The following PARM1 variants were observed in gnomAD, a reference collection of about 807,000 sequenced individuals.
PARM1 encodes WSC4, cell wall integrity and stress response component 4 homolog.
PARM1 carries 14 observed loss-of-function variants against 24.6 expected under a neutral mutation model. That is an observed-to-expected ratio of 0.57 (90% CI 0.38 to 0.89). PARM1 has a LOEUF of 0.89. Among genes scored for constraint, PARM1 ranks in the 40% least tolerant of loss-of-function variants. The probability of loss-of-function intolerance (pLI) is 0.00; values close to 1 mark genes in which losing one functional copy is unlikely to be tolerated. For missense variants in PARM1, 362 were observed against 380.4 expected (o/e 0.95, Z 0.40); for synonymous variants, 179 against 156.6 (o/e 1.14, Z -1.07).
intron 1 of PARM1, among the ~76,000 whole-genome samples, chr4:74,995,700 A>G (rs1208736314): frequency 6.6e-6 from 1 of 152,102 alleles, no homozygotes; most frequent in Non-Finnish European, 1.5e-5. Context: ...GAGTGCATTC[A>G]CTTTTCTCCA....
At chr4:74,949,312 T>C (rs1039161533) in intron 1 of PARM1, among the ~76,000 whole-genome samples, 3 of 152,172 alleles carry the variant, frequency 2.0e-5, no homozygotes, top group African/African-American at 7.2e-5. Context: ...GTTATATCTC[T>C]GTATAGGTCA....
intron 1 of PARM1, among the ~76,000 whole-genome samples, chr4:74,974,991 T>G (rs1173608091): frequency 1.3e-5 from 2 of 152,028 alleles, no homozygotes; most frequent in African/African-American, 4.8e-5. Flanking sequence ...GGCAAAAAAT[T>G]TTTTGTTGTT....
intron 2 of PARM1, among the ~76,000 whole-genome samples, chr4:75,032,090 G>A (rs1723286575): frequency 6.6e-6 from 1 of 152,148 alleles, no homozygotes; most frequent in Admixed American, 6.6e-5. Context: ...CTTTACAATA[G>A]TAAAAAGGGA....
At chr4:74,953,948 C>T (rs1721581179) in intron 1 of PARM1, among the ~76,000 whole-genome samples, 1 of 152,198 alleles carries the variant, frequency 6.6e-6, no homozygotes, top group Non-Finnish European at 1.5e-5. Flanking sequence ...TTGGAGGCTA[C>T]AGACTCTACC....
At chr4:74,995,970 C>A (rs1008846642) in intron 1 of PARM1, among the ~76,000 whole-genome samples, 4 of 152,108 alleles carry the variant, frequency 2.6e-5, no homozygotes, top group African/African-American at 9.7e-5. Context: ...CTCCATTTTG[C>A]ATCCTAAGTC....
At chr4:74,950,264 C>T (rs1245763774) in intron 1 of PARM1, among the ~76,000 whole-genome samples, 1 of 152,238 alleles carries the variant, frequency 6.6e-6, no homozygotes, top group East Asian at 1.9e-4. Flanking sequence ...CTTCTGGAAA[C>T]TGGAAGCCTG....
At chr4:75,004,484 T>C (rs1722735927) in intron 1 of PARM1, among the ~76,000 whole-genome samples, 1 of 151,914 alleles carries the variant, frequency 6.6e-6, no homozygotes, top group Admixed American at 6.6e-5. Flanking sequence ...GGCAAGAGGG[T>C]AGACATGGAG....
intron 1 of PARM1, among the ~76,000 whole-genome samples, chr4:74,960,094 AGGAG>A (rs1721735240): frequency 6.6e-6 from 1 of 152,246 alleles, no homozygotes; most frequent in Non-Finnish European, 1.5e-5. Flanking sequence ...GGCAGTTTGT[AGGAG>A]CCAGGGTGAG....
chr4:75,029,173 G>A (rs1297572735), intron 2 of PARM1, among the ~76,000 whole-genome samples: 2 of 152,172 alleles, frequency 1.3e-5, no homozygotes, highest in Non-Finnish European at 2.9e-5. Context: ...GACTGCCTCA[G>A]GGTATAGAAC....
At chr4:75,001,551 A>G (rs530340876) in intron 1 of PARM1, among the ~76,000 whole-genome samples, 1 of 152,340 alleles carries the variant, frequency 6.6e-6, no homozygotes, top group South Asian at 2.1e-4. Flanking sequence ...GCGGTAGCAC[A>G]GGTATACACA....
rs1578065080 is a variant in PARM1 at position 75,048,000 on chromosome 4, G to A, written c.*1753G>A. 1 of 152,098 alleles carries A rather than the reference G, an allele frequency of 6.6e-6. No homozygotes were observed. Among genetic ancestry groups the A allele is most frequent in the East Asian group, 1.9e-4 (1 of 5,192 alleles). The allele number at this position is 152,098 out of a possible 1,614,324, so 9.4% of individuals were successfully genotyped here. A position where few individuals can be genotyped will look rare whatever the true frequency, so the allele number is the denominator to read the frequency against. On this transcript the variant is annotated 3_prime_UTR_variant, in exon 4 of 4. Transcript: ENST00000307428. ...ATTGGGTCCGACTTCAAAATGTGTT[G>A]TATTGTCCTACAGTGTCATAAAGAA...
intron 1 of PARM1, among the ~76,000 whole-genome samples, chr4:74,975,593 CAT>C (rs1722127907): frequency 6.6e-6 from 1 of 152,156 alleles, no homozygotes; most frequent in Non-Finnish European, 1.5e-5. Flanking sequence ...ATTTTATAAA[CAT>C]GTAGTCACGT....
chr4:75,015,476 G>T (rs1446208838), intron 2 of PARM1, among the ~76,000 whole-genome samples: 1 of 152,176 alleles, frequency 6.6e-6, no homozygotes, highest in Non-Finnish European at 1.5e-5. Flanking sequence ...AGACCAAAGA[G>T]TATGTATCCT....
intron 2 of PARM1, among the ~76,000 whole-genome samples, chr4:75,016,912 A>G (rs1005583272): frequency 6.6e-6 from 1 of 152,226 alleles, no homozygotes; most frequent in East Asian, 1.9e-4. Flanking sequence ...GCTGTCAGCC[A>G]ATTCATCATC....
rs547965266 is a variant in PARM1, at chr4:74,949,918, T to C, written c.43+16548T>C. 4.6e-5 allele frequency among the ~76,000 whole-genome samples: 7 copies of C among 152,188 alleles called. No individual in the cohort carries two copies. The South Asian group carries it at 1.5e-3, about 32-fold the overall frequency. ...AAGGAGTTTTGTTTTGCTCTTTTGG[T>C]TTTTATGTCACCAAAAAGATACTTT... On this transcript the variant is annotated intron_variant, in intron 1 of 3. Transcript: ENST00000307428.
chr4:74,936,352 C>G (rs1721183139), intron 1 of PARM1, among the ~76,000 whole-genome samples: 1 of 152,182 alleles, frequency 6.6e-6, no homozygotes, highest in African/African-American at 2.4e-5. Context: ...ATGGCAGGCC[C>G]CTGGTAGCTT....
In PARM1 at chr4:75,022,471, T is replaced by C. The variant is rs181800567; in HGVS notation, c.769+9321T>C. Among the ~76,000 whole-genome samples the C allele has an allele frequency of 1.1e-3, 171 of 152,342 alleles. 1 individual carries two copies. The highest frequency in any genetic ancestry group is 3.9e-3 in the African/African-American group (163 of 41,568). The stretch of plus-strand genomic sequence containing the variant: ...CATGTCAAGGTAATAAAATCAGCTA[T>C]TTACTATCTATTTAGTTTGTCATGT... On this transcript the variant is annotated intron_variant, in intron 2 of 3. Coordinates refer to ENST00000307428, the MANE Select transcript of PARM1 (RefSeq NM_015393.4).
chr4:74,957,818 A>G (rs926948902), intron 1 of PARM1, among the ~76,000 whole-genome samples: 1 of 152,112 alleles, frequency 6.6e-6, no homozygotes, highest in African/African-American at 2.4e-5. Flanking sequence ...TCCTTCCTTA[A>G]GCAGCTTCAG....
chr4:75,012,981 C>T lies in PARM1; in HGVS notation c.600C>T (p.Ser200=). ...PTAPESPTEE[S]SSDHTPTSHA... ...CACCAGAGTCCCCGACAGAGGAGTC[C>T]AGCTCTGACCACACACCCACTTCAC... Residue 200 remains serine (S), a synonymous_variant, in exon 2 of 4, where the codon TCC becomes TCT. Transcript: ENST00000307428. 3 of 1,614,002 alleles carry T rather than the reference C, an allele frequency of 1.9e-6. No homozygotes were observed. The highest frequency in any genetic ancestry group is 2.5e-6 in the Non-Finnish European group (3 of 1,179,892).
Sources: allele counts gnomAD v4.1 joint callset (sites outside exome capture counted in the v4.1 genomes callset), GRCh38; gene constraint gnomAD v4.1.1; transcripts MANE v1.5; gene names NCBI Gene and HGNC (gene_info 2026-07-23, HGNC 2026-07-21).